The following ARHGAP8 variants were observed in gnomAD, a reference collection of about 807,000 sequenced individuals.
The protein encoded by ARHGAP8 is rho GTPase-activating protein 8.
Under a neutral mutation model 46.1 loss-of-function variants are expected in ARHGAP8, and 62 were observed. The observed-to-expected ratio is 1.34, with a 90% CI of 1.10 to 1.66. ARHGAP8 has a LOEUF of 1.66. Among genes scored for constraint, ARHGAP8 ranks in the 40% most tolerant of loss-of-function variants. The pLI is 0.00. For synonymous variants in ARHGAP8, 375 were observed against 243.1 expected, an observed-to-expected ratio of 1.54 and a Z score of -5.05; for missense variants, 923 against 568.4, an observed-to-expected ratio of 1.62 and a Z score of -6.34.
chr22:44,764,675 G>A (rs924447624), intron 1 of ARHGAP8, among the ~76,000 whole-genome samples: 3 of 152,240 alleles, frequency 2.0e-5, no homozygotes, highest in Non-Finnish European at 4.4e-5. Flanking sequence ...GACGACACAA[G>A]ATGCTCGCTG....
chr22:44,791,001 A>G (rs1927640364), intron 2 of ARHGAP8, among the ~76,000 whole-genome samples: 1 of 152,026 alleles, frequency 6.6e-6, no homozygotes, highest in Non-Finnish European at 1.5e-5. Context: ...CCAAAGTGCC[A>G]GGATTACAGG....
intron 7 of ARHGAP8, among the ~76,000 whole-genome samples, chr22:44,842,020 T>C (rs11912511): frequency 0.02 from 3,010 of 152,334 alleles, 101 homozygotes; most frequent in African/African-American, 0.069. Flanking sequence ...ATGTACTGTT[T>C]GCTGGGTCTC....
At chr22:44,851,174 C>T (rs5765055) in intron 10 of ARHGAP8, among the ~76,000 whole-genome samples, 50,961 of 151,590 alleles carry the variant, frequency 0.34, 9,685 homozygotes, top group African/African-American at 0.53. Flanking sequence ...AGATACCAGA[C>T]ATTTGTCCAC....
chr22:44,842,409 C>T (rs956729956), intron 7 of ARHGAP8, among the ~76,000 whole-genome samples: 3 of 152,132 alleles, frequency 2.0e-5, no homozygotes, highest in African/African-American at 7.2e-5. Context: ...TACACATCCC[C>T]AGTCATTTCC....
chr22:44,787,048 A>G (rs959019235), intron 2 of ARHGAP8, among the ~76,000 whole-genome samples: 4 of 80,658 alleles, frequency 5.0e-5, no homozygotes, highest in East Asian at 2.3e-4. Flanking sequence ...AAAAAAAAAA[A>G]AAAGAAAGAA....
At chr22:44,784,817 C>G (rs1295218672) in intron 1 of ARHGAP8, among the ~76,000 whole-genome samples, 1 of 152,202 alleles carries the variant, frequency 6.6e-6, no homozygotes, top group Non-Finnish European at 1.5e-5. Flanking sequence ...CTGCTGGGTC[C>G]TCACTGCCGG....
chr22:44,853,185 G>A (rs753977969), intron 10 of ARHGAP8, among the ~76,000 whole-genome samples: 1 of 152,322 alleles, frequency 6.6e-6, no homozygotes, highest in Admixed American at 6.5e-5. Flanking sequence ...ATGGTAGAGA[G>A]AGAGTGGCAG....
At chr22:44,860,022 T>C (rs2349856) in intron 11 of ARHGAP8, among the ~76,000 whole-genome samples, 188 bp downstream of exon 11, 79,440 of 151,552 alleles carry the variant, frequency 0.52, 21,167 homozygotes, top group Admixed American at 0.63. Flanking sequence ...GCTGCGGACC[T>C]CCTGCCTGTC....
intron 7 of ARHGAP8, among the ~76,000 whole-genome samples, chr22:44,830,489 C>T (rs556168134): frequency 3.4e-5 from 5 of 145,888 alleles, no homozygotes; most frequent in East Asian, 2.0e-4. Context: ...TGCCACCATG[C>T]GAGCTAAATT....
intron 2 of ARHGAP8, among the ~76,000 whole-genome samples, chr22:44,786,815 G>C (rs904883724): frequency 5.3e-5 from 8 of 152,020 alleles, no homozygotes; most frequent in Non-Finnish European, 1.5e-5. Context: ...ACGAATTCGA[G>C]ACCAGCCTGG....
chr22:44,756,218 G>T (rs115023376), intron 1 of ARHGAP8, among the ~76,000 whole-genome samples: 1 of 152,044 alleles, frequency 6.6e-6, no homozygotes, highest in Non-Finnish European at 1.5e-5. Context: ...GTAGCTCCCC[G>T]CTCCCTTCCC....
At chr22:44,840,662 G>A (rs1931589843) in intron 7 of ARHGAP8, among the ~76,000 whole-genome samples, 1 of 151,406 alleles carries the variant, frequency 6.6e-6, no homozygotes, top group Non-Finnish European at 1.5e-5. Context: ...CAGCTGTGAC[G>A]TGGACCGCCT....
intron 1 of ARHGAP8, among the ~76,000 whole-genome samples, chr22:44,761,965 A>C (rs999455690): frequency 2.6e-5 from 4 of 151,360 alleles, no homozygotes; most frequent in Admixed American, 2.0e-4. Context: ...GTGTGGGGGA[A>C]CCCCCCCCAA....
intron 1 of ARHGAP8, among the ~76,000 whole-genome samples, chr22:44,758,868 A>G (rs1002397876): frequency 6.6e-6 from 1 of 152,210 alleles, no homozygotes; most frequent in East Asian, 1.9e-4. Flanking sequence ...GGCAGTTTGG[A>G]TATTCAAGTT....
intron 1 of ARHGAP8, among the ~76,000 whole-genome samples, chr22:44,771,015 G>T (rs1398761097): frequency 6.6e-6 from 1 of 152,156 alleles, no homozygotes; most frequent in African/African-American, 2.4e-5. Flanking sequence ...CTCTTTCACT[G>T]TCATAATTTT....
intron 10 of ARHGAP8, among the ~76,000 whole-genome samples, chr22:44,859,362 T>G (rs1284925719): frequency 6.6e-6 from 1 of 151,560 alleles, no homozygotes; most frequent in Non-Finnish European, 1.5e-5. Context: ...TCTGTCCCAC[T>G]CTCTCTTGCT....
intron 7 of ARHGAP8, among the ~76,000 whole-genome samples, chr22:44,840,654 G>C (rs768252172): frequency 1.3e-5 from 2 of 152,148 alleles, no homozygotes; most frequent in Non-Finnish European, 2.9e-5. Context: ...CGTTTGTTCA[G>C]CTGTGACGTG....
chr22:44,859,247 G>GA (rs2070345529), intron 10 of ARHGAP8, among the ~76,000 whole-genome samples: 1 of 152,208 alleles, frequency 6.6e-6, no homozygotes, highest in Non-Finnish European at 1.5e-5. Flanking sequence ...TGGAGGTGGG[G>GA]ACTGGTGGCA....
At chr22:44,764,697 G>T (rs9614908) in intron 1 of ARHGAP8, among the ~76,000 whole-genome samples, 1,792 of 152,346 alleles carry the variant, frequency 0.012, 15 homozygotes, top group Non-Finnish European at 0.018. Flanking sequence ...GGTGGTCCTG[G>T]TGCCACTCTC....
Sources: allele counts gnomAD v4.1 joint callset (sites outside exome capture counted in the v4.1 genomes callset), GRCh38; gene constraint gnomAD v4.1.1; transcripts MANE v1.5; gene names NCBI Gene and HGNC (gene_info 2026-07-23, HGNC 2026-07-21).